Variants in PARP15 observed in about 807,000 individuals in gnomAD.
The protein encoded by PARP15 is protein mono-ADP-ribosyltransferase PARP15.
In PARP15, 50 loss-of-function variants were observed where a neutral mutation model predicts 62.1. That is an observed-to-expected ratio of 0.81 (90% confidence interval 0.64 to 1.02). The LOEUF is 1.02. Among genes scored for constraint, PARP15 ranks in the 50% least tolerant of loss-of-function variants. The pLI is 0.00. For missense variants in PARP15, 820 were observed against 826.5 expected, an observed-to-expected ratio of 0.99 and a Z score of 0.10; for synonymous variants, 309 against 293.1, an observed-to-expected ratio of 1.05 and a Z score of -0.55.
At chr3:122,621,899 C>T (rs974834475) in intron 8 of PARP15, among the ~76,000 whole-genome samples, 3 of 152,238 alleles carry the variant, frequency 2.0e-5, no homozygotes, top group South Asian at 2.1e-4. Context: ...CCCAGGCTCA[C>T]GCAATCCTCC....
In PARP15 at chr3:122,621,540, C is replaced by A; in HGVS notation, c.1160C>A (p.Thr387Lys). Residue 387 changes from threonine to lysine, a missense_variant, in exon 8 of 12, where the codon ACG becomes AAG. Coordinates refer to ENST00000464300, the MANE Select transcript of PARP15 (RefSeq NM_001113523.3). ...HVPGGKDVRK[T>K]VTSVLEECEQ... ...CCTGGGGGAAAAGATGTCAGGAAAA[C>A]GGTCACCAGTGTTCTAGAAGAGTGT... 6.2e-7 allele frequency: 1 copy of A among 1,613,938 alleles called. No homozygotes were observed. Among genetic ancestry groups the A allele is most frequent in the Non-Finnish European group, 8.5e-7 (1 of 1,179,950 alleles).
At chr3:122,607,137 A>T (rs1935212203) in intron 2 of PARP15, among the ~76,000 whole-genome samples, 1 of 152,224 alleles carries the variant, frequency 6.6e-6, no homozygotes. Flanking sequence ...AGACTTACTT[A>T]TAACACTGGA....
chr3:122,582,521 G>A (rs908167727), intron 1 of PARP15, among the ~76,000 whole-genome samples: 5 of 152,126 alleles, frequency 3.3e-5, no homozygotes, highest in South Asian at 2.1e-4. Flanking sequence ...TTGCTCTACT[G>A]TTTTCTAGCT....
chr3:122,621,641 T>C (rs1437513940), intron 8 of PARP15, 30 bp downstream of exon 8: 5 of 1,547,632 alleles, frequency 3.2e-6, no homozygotes, highest in Middle Eastern at 1.7e-4. Flanking sequence ...ATAATAAAAT[T>C]TGAGTGATAC....
chr3:122,594,502 C>T (rs1002296102), intron 1 of PARP15: 40 of 972,258 alleles, frequency 4.1e-5, no homozygotes, highest in South Asian at 4.8e-5. Flanking sequence ...GTTCCTCAAA[C>T]GATCTCAAAT....
At chr3:122,591,906 A>G (rs181339503) in intron 1 of PARP15, among the ~76,000 whole-genome samples, 208 of 152,330 alleles carry the variant, frequency 1.4e-3, no homozygotes, top group Admixed American at 3.7e-3. Flanking sequence ...TCTCACGCCA[A>G]TCAGAATGGT....
At chr3:122,597,764 G>C (rs536856367) in intron 1 of PARP15, among the ~76,000 whole-genome samples, 38 of 152,180 alleles carry the variant, frequency 2.5e-4, no homozygotes, top group African/African-American at 8.9e-4. Context: ...AATATACACA[G>C]AGTTGTTCCT....
chr3:122,596,383 A>G (rs568406809), intron 1 of PARP15, among the ~76,000 whole-genome samples: 4 of 148,536 alleles, frequency 2.7e-5, no homozygotes, highest in South Asian at 2.1e-4. Context: ...AAAAAAAAGC[A>G]TAAACGTAAC....
intron 5 of PARP15, 98 bp downstream of exon 5, chr3:122,615,955 A>AGATTTGTTCTTCATG: frequency 8.4e-7 from 1 of 1,192,518 alleles, no homozygotes; most frequent in Non-Finnish European, 1.2e-6. Flanking sequence ...GCTAATTCAC[A>AGATTTGTTCTTCATG]TGAAGAACAA....
chr3:122,582,680 A>G (rs759258983), intron 1 of PARP15, among the ~76,000 whole-genome samples: 4 of 151,666 alleles, frequency 2.6e-5, no homozygotes, highest in Non-Finnish European at 5.9e-5. Context: ...CTTCATGTTT[A>G]TTGTGCTTCT....
intron 2 of PARP15, among the ~76,000 whole-genome samples, chr3:122,610,259 G>A (rs1576514439): frequency 1.3e-5 from 2 of 152,198 alleles, no homozygotes; most frequent in Admixed American, 1.3e-4. Context: ...CTCATTACGT[G>A]TTGATTTCAC....
chr3:122,597,679 T>C lies in PARP15; in HGVS notation c.187-8257T>C, dbSNP rs974585800. On this transcript the variant is annotated intron_variant, in intron 1 of 11. Coordinates refer to ENST00000464300, the MANE Select transcript of PARP15 (RefSeq NM_001113523.3). ...GAAAAATAAATTTTGTTGCAATATGTGCATTCGCTGCTAAGGAATAGATGC... is the reference window on the plus strand; with the variant it reads ...GAAAAATAAATTTTGTTGCAATATGCGCATTCGCTGCTAAGGAATAGATGC... 3.3e-5 allele frequency among the ~76,000 whole-genome samples: 5 copies of C among 152,366 alleles called. No homozygotes were observed. In the South Asian group the frequency reaches 1.0e-3, roughly 32 times the overall value.
In PARP15 at chr3:122,610,710, G is replaced by A. The variant is rs1481310130; in HGVS notation, c.523G>A (p.Gly175Arg). ...TGCTGTGGCTCCATACTGGAATAAT[G>A]GAGCAGAGACTTCTTGGCAGGTAGG... ...LHAVAPYWNN[G>R]AETSWQIMAN... Residue 175 changes from glycine (G) to arginine (R), a missense_variant, in exon 3 of 12, where the codon GGA becomes AGA. Physicochemically the swap from Gly to Arg is moderately radical, Grantham distance 125. Around this residue, in one of 3 missense-constraint regions of PARP15, gnomAD observed 731 missense variants for 727.7 expected, o/e 1.00. Transcript: ENST00000464300. 5 of 1,527,902 alleles carry A rather than the reference G, an allele frequency of 3.3e-6. No homozygotes were observed. Among genetic ancestry groups the A allele is most frequent in the African/African-American group, 1.4e-5 (1 of 72,006 alleles). 94.6% of individuals were successfully genotyped at this position (1,527,902 alleles called of 1,614,324 possible).
At chr3:122,602,636 A>C (rs1934886543) in intron 1 of PARP15, among the ~76,000 whole-genome samples, 1 of 152,226 alleles carries the variant, frequency 6.6e-6, no homozygotes, top group African/African-American at 2.4e-5. Flanking sequence ...GTCTATTATA[A>C]CCATTCCTTT....
At chr3:122,592,887 A>G (rs1934035436) in intron 1 of PARP15, among the ~76,000 whole-genome samples, 1 of 152,158 alleles carries the variant, frequency 6.6e-6, no homozygotes, top group African/African-American at 2.4e-5. Context: ...GGCCTTATTA[A>G]TGCTACAGCA....
chr3:122,587,391 G>A (rs1933527899), intron 1 of PARP15, among the ~76,000 whole-genome samples: 1 of 152,200 alleles, frequency 6.6e-6, no homozygotes, highest in East Asian at 1.9e-4. Flanking sequence ...CAAAGTAGCT[G>A]TACCATTTTG....
chr3:122,577,661 G>C lies in PARP15; in HGVS notation c.-7G>C. The C allele has an allele frequency of 9.7e-6, 15 of 1,551,608 alleles. No homozygotes were observed. The highest frequency in any genetic ancestry group is 3.9e-5 in the Admixed American group (2 of 51,000). On this transcript the variant is annotated 5_prime_UTR_variant, in exon 1 of 12. Transcript: ENST00000464300. ...TGGGGCGCAACTGCAGTCCCAGCGA[G>C]CTGAGGATGGCTGCGCCAGGCCCCC...
chr3:122,620,217 T>C (rs1484357790), intron 7 of PARP15, among the ~76,000 whole-genome samples: 2 of 152,192 alleles, frequency 1.3e-5, no homozygotes, highest in African/African-American at 4.8e-5. Flanking sequence ...ACAGGTGGTT[T>C]TGAGGATCAG....
intron 3 of PARP15, among the ~76,000 whole-genome samples, 153 bp from the exon 4 acceptor site, chr3:122,612,888 T>C (rs148674679): frequency 6.8e-4 from 104 of 152,322 alleles, no homozygotes; most frequent in African/African-American, 2.3e-3. Context: ...GAAAGTACTC[T>C]GCCCTGTTTT....
Sources: allele counts gnomAD v4.1 joint callset (sites outside exome capture counted in the v4.1 genomes callset), GRCh38; gene constraint gnomAD v4.1.1; regional missense constraint gnomAD v4.1.1; transcripts MANE v1.5; gene names NCBI Gene and HGNC (gene_info 2026-07-23, HGNC 2026-07-21).